PTPRG: variants seen among roughly 807,000 people sequenced by gnomAD.
PTPRG encodes the protein receptor-type tyrosine-protein phosphatase gamma.
A neutral mutation model predicts 165.3 loss-of-function variants in PTPRG; 102 were observed. That is an observed-to-expected ratio of 0.62 (90% confidence interval 0.53 to 0.73). PTPRG has a LOEUF of 0.73. PTPRG is among the 30% of genes least tolerant of loss of function. The pLI is 0.00. For synonymous variants in PTPRG, 675 were observed against 669.5 expected, an observed-to-expected ratio of 1.01 and a Z score of -0.13; for missense variants, 1,866 against 1,861.4, an observed-to-expected ratio of 1.00 and a Z score of -0.05.
At chr3:61,942,936 A>G (rs1452416502) in intron 2 of PTPRG, among the ~76,000 whole-genome samples, 1 of 152,242 alleles carries the variant, frequency 6.6e-6, no homozygotes, top group African/African-American at 2.4e-5. Flanking sequence ...AGTAGGAAGA[A>G]GGCTAGTATT....
chr3:61,703,532 T>C (rs2031089674), intron 1 of PTPRG, among the ~76,000 whole-genome samples: 1 of 151,900 alleles, frequency 6.6e-6, no homozygotes, highest in African/African-American at 2.4e-5. Flanking sequence ...GCTGGGGGAG[T>C]TGATGCTGTA....
chr3:61,569,859 A>G (rs887986400), intron 1 of PTPRG, among the ~76,000 whole-genome samples: 2 of 152,232 alleles, frequency 1.3e-5, no homozygotes, highest in African/African-American at 4.8e-5. Flanking sequence ...GAAAGTCCTC[A>G]TGAAGTCTGA....
chr3:62,201,025 A>G (rs536077041), intron 10 of PTPRG, among the ~76,000 whole-genome samples: 3 of 152,316 alleles, frequency 2.0e-5, no homozygotes, highest in African/African-American at 7.2e-5. Context: ...ACAGAGTCCA[A>G]ATAGTGGCTA....
In PTPRG at chr3:62,195,071, A is replaced by G. The variant is rs758267170; in HGVS notation, c.1228A>G (p.Ile410Val). ...CCTTCTTTACTTACAGAAAGCCACC[A>G]TTAGCCATGTCTCACCCGATAGCCT... The part of the protein sequence containing the change: ...KDSDKDLKAT[I>V]SHVSPDSLYL... Residue 410 changes from isoleucine to valine, a missense_variant, in exon 10 of 30, where the codon ATT (isoleucine) becomes GTT (valine). This residue lies in a region of PTPRG where 1,452 missense variants were observed against 1,463.0 expected (regional missense o/e 0.99). Transcript: ENST00000474889. This position sits in a 1 kb window ranked among gnomAD's most constrained non-coding sequence, Gnocchi z 4.4. 3.1e-6 allele frequency: 5 copies of G among 1,614,122 alleles called. No homozygotes were observed. Among genetic ancestry groups the G allele is most frequent in the Non-Finnish European group, 4.2e-6 (5 of 1,179,968 alleles).
chr3:62,223,822 T>C (rs1311028957), intron 13 of PTPRG, among the ~76,000 whole-genome samples: 1 of 152,202 alleles, frequency 6.6e-6, no homozygotes, highest in African/African-American at 2.4e-5. Flanking sequence ...ATGAATTTTG[T>C]CCTTTAAATG....
At chr3:62,045,408 T>A (rs1700257283) in intron 4 of PTPRG, among the ~76,000 whole-genome samples, 1 of 152,222 alleles carries the variant, frequency 6.6e-6, no homozygotes, top group South Asian at 2.1e-4. Context: ...TGTACCGCCC[T>A]TAGCCAAGAA....
At chr3:62,251,498 C>T (rs1446476772) in intron 15 of PTPRG, among the ~76,000 whole-genome samples, 4 of 152,080 alleles carry the variant, frequency 2.6e-5, no homozygotes, top group African/African-American at 9.7e-5. Flanking sequence ...ATTAGCCAGG[C>T]ATGGTGGCAC....
At chr3:61,850,447 C>A (rs551161407) in intron 2 of PTPRG, among the ~76,000 whole-genome samples, 2 of 152,176 alleles carry the variant, frequency 1.3e-5, no homozygotes, top group East Asian at 1.9e-4. Context: ...AGGCGTGAGC[C>A]GCTGTGCCCA....
chr3:62,127,396 T>C (rs1478398901), intron 5 of PTPRG, among the ~76,000 whole-genome samples: 4 of 152,206 alleles, frequency 2.6e-5, no homozygotes, highest in Non-Finnish European at 5.9e-5. Flanking sequence ...TGAGAAGTGC[T>C]TGCCCTTGTC....
At chr3:61,950,224 A>C (rs1176340218) in intron 2 of PTPRG, among the ~76,000 whole-genome samples, 4 of 152,070 alleles carry the variant, frequency 2.6e-5, no homozygotes, top group African/African-American at 7.2e-5. Flanking sequence ...CTTTCCTCAC[A>C]TTCTTTTCCC....
intron 2 of PTPRG, among the ~76,000 whole-genome samples, chr3:61,756,615 T>G (rs2033643096): frequency 6.6e-6 from 1 of 152,212 alleles, no homozygotes; most frequent in South Asian, 2.1e-4. Context: ...TTTCTTGGCA[T>G]TTTCTCTGTG....
At chr3:61,910,141 T>A (rs1473911225) in intron 2 of PTPRG, among the ~76,000 whole-genome samples, 2 of 152,242 alleles carry the variant, frequency 1.3e-5, no homozygotes, top group Admixed American at 1.3e-4. Flanking sequence ...TCAAAGTCTG[T>A]TCACATGCCT....
chr3:62,203,294 C>G lies in PTPRG; in HGVS notation c.1499C>G (p.Ser500Cys). 2 of 1,614,016 alleles carry G rather than the reference C, an allele frequency of 1.2e-6. No homozygotes were observed. The highest frequency in any genetic ancestry group is 1.7e-6 in the Non-Finnish European group (2 of 1,180,022). Residue 500 changes from serine to cysteine, a missense_variant, in exon 12 of 30, where the codon TCC (serine) becomes TGC (cysteine). Coordinates refer to ENST00000474889, the MANE Select transcript of PTPRG (RefSeq NM_002841.4). This position sits in a 1 kb window ranked among gnomAD's most constrained non-coding sequence, Gnocchi z 6.4. ...ATGGCAACTGGGATGGGCCCCTCCT[C>G]CAGTGGCAGCCAGGCCACAGTGGCC... ...VSMATGMGPS[S>C]SGSQATVASV...
intron 4 of PTPRG, among the ~76,000 whole-genome samples, chr3:62,064,550 T>C (rs147959463): frequency 1.6e-3 from 246 of 152,212 alleles, no homozygotes; most frequent in African/African-American, 5.3e-3. Flanking sequence ...TATCAAGTTT[T>C]TCTTCCCCTG....
intron 9 of PTPRG, among the ~76,000 whole-genome samples, chr3:62,193,529 G>C (rs887209091): frequency 1.4e-4 from 21 of 152,296 alleles, no homozygotes; most frequent in African/African-American, 4.8e-4. Flanking sequence ...ACTCATCATG[G>C]TTATTGTGGC....
intron 13 of PTPRG, among the ~76,000 whole-genome samples, chr3:62,226,765 C>T (rs1474122303): frequency 6.6e-6 from 1 of 152,148 alleles, no homozygotes; most frequent in Admixed American, 6.5e-5. Context: ...CTGGTAGATT[C>T]ACTTCAGCAC....
intron 1 of PTPRG, among the ~76,000 whole-genome samples, chr3:61,735,640 G>C (rs1390437116): frequency 6.6e-6 from 1 of 151,926 alleles, no homozygotes; most frequent in African/African-American, 2.4e-5. Context: ...CTACAGACTT[G>C]GAGTGAGGAA....
At chr3:61,723,638 GATA>G (rs1214394195) in intron 1 of PTPRG, among the ~76,000 whole-genome samples, 1 of 152,158 alleles carries the variant, frequency 6.6e-6, no homozygotes, top group Non-Finnish European at 1.5e-5. Flanking sequence ...AAGGTGCCAA[GATA>G]GTACAGAGCG....
chr3:62,270,610 A>C (rs898076354), intron 20 of PTPRG, among the ~76,000 whole-genome samples: 1 of 152,304 alleles, frequency 6.6e-6, no homozygotes, highest in East Asian at 1.9e-4. Flanking sequence ...TAGAAAAATG[A>C]GAGTTAACAG....
Sources: allele counts gnomAD v4.1 joint callset (sites outside exome capture counted in the v4.1 genomes callset), GRCh38; gene constraint gnomAD v4.1.1; regional missense constraint gnomAD v4.1.1; non-coding constraint Gnocchi (gnomAD v3.1); transcripts MANE v1.5; gene names NCBI Gene and HGNC (gene_info 2026-07-23, HGNC 2026-07-21).